COL26A1: variants seen among roughly 807,000 people sequenced by gnomAD.
The protein encoded by COL26A1 is collagen type XXVI alpha 1 chain.
A neutral mutation model predicts 59.3 loss-of-function variants in COL26A1; 41 were observed. The observed-to-expected ratio is 0.69, with a 90% CI of 0.54 to 0.90. COL26A1 has a LOEUF of 0.90. Among genes scored for constraint, COL26A1 ranks in the 40% least tolerant of loss-of-function variants. The probability of loss-of-function intolerance (pLI) is 0.00; values close to 1 mark genes in which losing one functional copy is unlikely to be tolerated. For missense variants in COL26A1, 612 were observed against 602.3 expected, an observed-to-expected ratio of 1.02 and a Z score of -0.17; for synonymous variants, 266 against 256.0, an observed-to-expected ratio of 1.04 and a Z score of -0.37.
intron 1 of COL26A1, among the ~76,000 whole-genome samples, chr7:101,380,625 A>G (rs1371270058): frequency 1.3e-5 from 2 of 152,020 alleles, no homozygotes; most frequent in Non-Finnish European, 2.9e-5. Flanking sequence ...TTCTCACACA[A>G]GATCTCAGAA....
chr7:101,532,898 C>T (rs1344577602), intron 3 of COL26A1, among the ~76,000 whole-genome samples, 184 bp from the exon 4 acceptor site: 2 of 152,154 alleles, frequency 1.3e-5, no homozygotes, highest in African/African-American at 4.8e-5. Flanking sequence ...CTCAGTGGTC[C>T]AGCAGGCTGC....
At chr7:101,380,292 AT>A (rs34990402) in intron 1 of COL26A1, among the ~76,000 whole-genome samples, 36,866 of 115,764 alleles carry the variant, frequency 0.32, 4,968 homozygotes, top group Middle Eastern at 0.49. Context: ...ACCCAGCTAC[AT>A]TTTTTTTTTT....
intron 3 of COL26A1, among the ~76,000 whole-genome samples, chr7:101,483,849 T>A (rs1210906437): frequency 6.6e-6 from 1 of 151,920 alleles, no homozygotes; most frequent in African/African-American, 2.4e-5. Flanking sequence ...TAAATTTTTG[T>A]ATGTTTAGTA....
At chr7:101,442,923 A>G (rs1436930054) in intron 2 of COL26A1, among the ~76,000 whole-genome samples, 1 of 149,372 alleles carries the variant, frequency 6.7e-6, no homozygotes, top group East Asian at 1.9e-4. Context: ...GTGAGAGAGC[A>G]AATGAGTGTG....
chr7:101,543,810 T>A (rs1795668245), intron 5 of COL26A1, among the ~76,000 whole-genome samples, 188 bp from the exon 6 acceptor site: 1 of 152,344 alleles, frequency 6.6e-6, no homozygotes. Flanking sequence ...TGTTTGTAAG[T>A]GCAAAGCTGG....
intron 3 of COL26A1, among the ~76,000 whole-genome samples, chr7:101,491,614 G>A (rs544097405): frequency 3.8e-4 from 58 of 152,264 alleles, no homozygotes; most frequent in African/African-American, 1.4e-3. Context: ...GATTATTCAT[G>A]CCTCCCCTTT....
intron 3 of COL26A1, among the ~76,000 whole-genome samples, chr7:101,523,600 G>A (rs1333953871): frequency 6.6e-6 from 1 of 152,002 alleles, no homozygotes; most frequent in East Asian, 1.9e-4. Flanking sequence ...TTTTTCATTT[G>A]TATATCCAAT....
chr7:101,371,614 T>C (rs1791196974), intron 1 of COL26A1, among the ~76,000 whole-genome samples: 1 of 151,876 alleles, frequency 6.6e-6, no homozygotes, highest in Non-Finnish European at 1.5e-5. Context: ...AGTCAGACCC[T>C]GTCTTTGCAA....
At chr7:101,461,005 A>G (rs1420823923) in intron 3 of COL26A1, among the ~76,000 whole-genome samples, 1 of 151,910 alleles carries the variant, frequency 6.6e-6, no homozygotes, top group African/African-American at 2.4e-5. Flanking sequence ...TTTTTGAAAC[A>G]GGGTCTTGCT....
upstream of COL26A1, chr7:101,362,675 CG>C: frequency 2.8e-6 from 1 of 357,196 alleles, no homozygotes; most frequent in Non-Finnish European, 5.1e-6. Context: ...AGGTGTGTAG[CG>C]GGGGCCTGGG....
chr7:101,537,743 T>C (rs1007479470), intron 4 of COL26A1, among the ~76,000 whole-genome samples: 8 of 152,100 alleles, frequency 5.3e-5, no homozygotes, highest in African/African-American at 9.7e-5. Context: ...AGGTTGCCTG[T>C]AGGAGGCCAA....
intron 2 of COL26A1, among the ~76,000 whole-genome samples, chr7:101,426,996 C>T (rs1378943624): frequency 5.3e-5 from 8 of 152,150 alleles, no homozygotes; most frequent in Non-Finnish European, 1.2e-4. Flanking sequence ...CATTTCACCC[C>T]CAGCATTTAC....
At position 101,471,567 on chromosome 7, in the gene COL26A1, G is replaced by GTTGTTTTT. The variant is rs1485332913; in HGVS notation, c.385+23782_385+23783insGTTTTTTT. ...ATAATGTTTTGTTGTTGTTGTTGTT[G>GTTGTTTTT]TTTGTTTTTTTTTTTTTTTTTTTTT... On this transcript the variant is annotated intron_variant, in intron 3 of 12. Transcript: ENST00000313669. Among the ~76,000 whole-genome samples the GTTGTTTTT allele has an allele frequency of 1.0e-3, 114 of 112,386 alleles. 2 individuals are homozygous for GTTGTTTTT. The highest frequency in any genetic ancestry group is 3.8e-3 in the African/African-American group (109 of 28,412). 73.7% of individuals were successfully genotyped at this position (112,386 alleles called of 152,430 possible).
chr7:101,452,518 C>T (rs2130393438), intron 3 of COL26A1, among the ~76,000 whole-genome samples: 1 of 152,236 alleles, frequency 6.6e-6, no homozygotes, highest in South Asian at 2.1e-4. Flanking sequence ...TGGCTATGTT[C>T]TGAGAAATGC....
At chr7:101,423,062 T>C (rs1177628379) in intron 2 of COL26A1, among the ~76,000 whole-genome samples, 2 of 151,962 alleles carry the variant, frequency 1.3e-5, no homozygotes, top group African/African-American at 4.8e-5. Flanking sequence ...GTCAGGAGTT[T>C]GAGACCAGTT....
rs542562448 is a variant in COL26A1 at position 101,455,225 on chromosome 7, G to A, written c.385+7438G>A. 1.7e-3 allele frequency among the ~76,000 whole-genome samples: 260 copies of A among 151,670 alleles called. 1 individual carries two copies. The highest frequency in any genetic ancestry group is 3.9e-3 in the Admixed American group (59 of 15,224). The stretch of plus-strand genomic sequence containing the variant: ...ACCTGGCTAATTTTTGTGTATCTTT[G>A]TAGAGACGGGGTTTCACCATGTTGC... On this transcript the variant is annotated intron_variant, in intron 3 of 12. Coordinates refer to ENST00000313669, the MANE Select transcript of COL26A1 (RefSeq NM_001278563.3).
intron 1 of COL26A1, among the ~76,000 whole-genome samples, chr7:101,414,343 T>C (rs1240194094): frequency 1.3e-5 from 2 of 152,032 alleles, no homozygotes; most frequent in African/African-American, 2.4e-5. Flanking sequence ...CTCGGGCGGA[T>C]CTCAGGATCC....
chr7:101,365,509 C>T (rs1791022666), intron 1 of COL26A1, among the ~76,000 whole-genome samples: 1 of 152,126 alleles, frequency 6.6e-6, no homozygotes, highest in African/African-American at 2.4e-5. Flanking sequence ...TTACTGCAAC[C>T]TCTGCCTCCC....
chr7:101,429,522 A>G (rs896873470), intron 2 of COL26A1, among the ~76,000 whole-genome samples: 12 of 150,932 alleles, frequency 8.0e-5, no homozygotes, highest in Non-Finnish European at 2.9e-5. Context: ...CTATGGCTAT[A>G]TAATAAGTTT....
Sources: gnomAD v4.1 joint callset for allele counts (sites outside exome capture counted in the v4.1 genomes callset) on GRCh38, gnomAD v4.1.1 for gene constraint, MANE v1.5 for transcripts, NCBI Gene and HGNC (gene_info 2026-07-23, HGNC 2026-07-21) for gene names.